The following YIPF7 variants were observed in gnomAD, a reference collection of about 807,000 sequenced individuals.
The protein encoded by YIPF7 is Yip1 domain family member 7.
A neutral mutation model predicts 27.2 loss-of-function variants in YIPF7; 35 were observed. The ratio of observed to expected loss-of-function variants is 1.29; its 90% CI spans 0.98 to 1.70. YIPF7 has a LOEUF of 1.70. Among genes scored for constraint, YIPF7 ranks in the 40% most tolerant of loss-of-function variants. The probability of loss-of-function intolerance (pLI) is 0.00; values close to 1 mark genes in which losing one functional copy is unlikely to be tolerated. For missense variants in YIPF7, 358 were observed against 303.7 expected, an observed-to-expected ratio of 1.18 and a Z score of -1.33; for synonymous variants, 137 against 110.4, an observed-to-expected ratio of 1.24 and a Z score of -1.51.
chr4:44,632,498 A>G (rs1712944487), intron 3 of YIPF7, among the ~76,000 whole-genome samples: 1 of 152,210 alleles, frequency 6.6e-6, no homozygotes, highest in African/African-American at 2.4e-5. Flanking sequence ...TAACATATTG[A>G]TTTTACATTA....
chr4:44,660,595 T>A (rs1435061207), exon 2 of YIPF7: 1 of 152,178 alleles, frequency 6.6e-6, no homozygotes, highest in Non-Finnish European at 1.5e-5. Flanking sequence ...CAGAAACAAG[T>A]CATTCCTGCC....
chr4:44,632,705 T>C (rs376593967), intron 3 of YIPF7, among the ~76,000 whole-genome samples: 8 of 152,334 alleles, frequency 5.3e-5, no homozygotes, highest in Admixed American at 2.0e-4. Context: ...ATCCTAGAAA[T>C]TGTATTTTTT....
At position 44,636,000 on chromosome 4, in the gene YIPF7, G is replaced by C; in HGVS notation, c.202C>G (p.Gln68Glu). Residue 68 changes from glutamine (Q) to glutamate (E), a missense_variant, in exon 3 of 6, where the codon CAG becomes GAG. Coordinates refer to ENST00000415895, the MANE Select transcript of YIPF7 (RefSeq NM_182592.3). Reference sequence around the variant, plus strand: ...TAATAATCTGAGTTGGATGCTGGCTGAAAAAATTGTCCTGCGTAACCCGAT... The same window carrying C: ...TAATAATCTGAGTTGGATGCTGGCTCAAAAAATTGTCCTGCGTAACCCGAT... ...MSSGYAGQFF[Q>E]PASNSDYYSQ... 6.2e-7 allele frequency: 1 copy of C among 1,613,846 alleles called. No individual in the cohort carries two copies. Among genetic ancestry groups the C allele is most frequent in the Non-Finnish European group, 8.5e-7 (1 of 1,179,820 alleles).
At chr4:44,635,860 G>C in intron 3 of YIPF7, 62 bp downstream of exon 3, 1 of 1,557,442 alleles carries the variant, frequency 6.4e-7, no homozygotes. Context: ...CACACATTAA[G>C]TGCTAATTAT....
At chr4:44,652,693 G>C (rs1299707536), upstream of YIPF7, among the ~76,000 whole-genome samples, 1 of 152,152 alleles carries the variant, frequency 6.6e-6, no homozygotes, top group Non-Finnish European at 1.5e-5. Context: ...CAGGGTTTCA[G>C]AAACAAGCAA....
chr4:44,625,217 G>A lies in YIPF7; in HGVS notation c.427-435C>T, dbSNP rs1344145900. Among the ~76,000 whole-genome samples the A allele has an allele frequency of 2.0e-5, 3 of 152,236 alleles. No individual in the cohort carries two copies. The East Asian group carries it at 5.8e-4, about 29-fold the overall frequency. ...AACACCTACAGGGTTTACCATGTCAGATCCCATTCTAAGTGTGCTACATAT... is the reference window on the plus strand; with the variant it reads ...AACACCTACAGGGTTTACCATGTCAAATCCCATTCTAAGTGTGCTACATAT... On this transcript the variant is annotated intron_variant, in intron 4 of 5. Transcript: ENST00000415895.
In YIPF7 at chr4:44,635,898, A is replaced by C; in HGVS notation, c.280+24T>G. The C allele has an allele frequency of 1.9e-6, 3 of 1,612,464 alleles. No homozygotes were observed. The East Asian group carries it at 6.7e-5, about 36-fold the overall frequency. On this transcript the variant is annotated intron_variant, in intron 3 of 5. Transcript: ENST00000415895. Reference sequence around the variant, plus strand: ...CTATTATTCTTCTAGCTGTACACACATTAATAACACTTCCTTAACTTATCT... The same window carrying C: ...CTATTATTCTTCTAGCTGTACACACCTTAATAACACTTCCTTAACTTATCT...
chr4:44,652,269 C>T (rs1267446873), upstream of YIPF7, among the ~76,000 whole-genome samples: 1 of 152,162 alleles, frequency 6.6e-6, no homozygotes, highest in South Asian at 2.1e-4. Flanking sequence ...CTCTGTATCA[C>T]TGGGTCACTG....
chr4:44,654,160 T>C (rs1577745971), upstream of YIPF7, among the ~76,000 whole-genome samples: 1 of 152,126 alleles, frequency 6.6e-6, no homozygotes, highest in Non-Finnish European at 1.5e-5. Flanking sequence ...GCTATTCTTA[T>C]GGCTATAACA....
At chr4:44,635,733 A>T (rs963986206) in intron 3 of YIPF7, among the ~76,000 whole-genome samples, 189 bp downstream of exon 3, 48 of 152,188 alleles carry the variant, frequency 3.2e-4, no homozygotes, top group African/African-American at 1.2e-3. Flanking sequence ...ATCTGCACCC[A>T]ATTTCCCCTA....
chr4:44,640,486 T>C (rs1478436799), intron 2 of YIPF7, among the ~76,000 whole-genome samples: 1 of 152,204 alleles, frequency 6.6e-6, no homozygotes, highest in Non-Finnish European at 1.5e-5. Context: ...TCCTCAGGCC[T>C]CTGGTGGAAT....
chr4:44,643,966 G>A (rs1713431966), intron 2 of YIPF7, among the ~76,000 whole-genome samples: 1 of 152,068 alleles, frequency 6.6e-6, no homozygotes, highest in Non-Finnish European at 1.5e-5. Flanking sequence ...ATGAAAAAGA[G>A]GGGTTGAAGC....
chr4:44,627,428 A>G (rs1364079822), intron 4 of YIPF7, among the ~76,000 whole-genome samples: 1 of 152,162 alleles, frequency 6.6e-6, no homozygotes, highest in Non-Finnish European at 1.5e-5. Context: ...AGATTTGGAT[A>G]TTGATTCTGG....
intron 2 of YIPF7, among the ~76,000 whole-genome samples, chr4:44,659,840 G>A (rs1485840205): frequency 6.6e-6 from 1 of 151,914 alleles, no homozygotes; most frequent in South Asian, 2.1e-4. Context: ...TTGGCCAGGC[G>A]CGGTGGCTCA....
chr4:44,636,121 A>C (rs1273058993), intron 2 of YIPF7, 36 bp from the exon 3 acceptor site: 1 of 1,560,332 alleles, frequency 6.4e-7, no homozygotes, highest in Admixed American at 1.9e-5. Context: ...TACATGTCTA[A>C]GAAAAAGGTA....
chr4:44,649,075 G>A (rs1179363774), intron 2 of YIPF7, among the ~76,000 whole-genome samples: 3 of 152,012 alleles, frequency 2.0e-5, no homozygotes. Context: ...AATTGCATGA[G>A]AGAAAAAACT....
rs996625230 is a variant in YIPF7 at position 44,629,378 on chromosome 4, T to G, written c.426+25A>C. 7 of 1,565,664 alleles carry G rather than the reference T, an allele frequency of 4.5e-6. No individual in the cohort carries two copies. The African/African-American group carries it at 8.2e-5, about 18-fold the overall frequency. On this transcript the variant is annotated intron_variant, in intron 4 of 5. Transcript: ENST00000415895. Reference sequence around the variant, plus strand: ...GCACTGGAAAGGACAAGCATTAAAATCTGGTGCTTCCTGTGACACATTACC... The same window carrying G: ...GCACTGGAAAGGACAAGCATTAAAAGCTGGTGCTTCCTGTGACACATTACC...
At chr4:44,627,009 C>G (rs1403869447) in intron 4 of YIPF7, among the ~76,000 whole-genome samples, 2 of 151,614 alleles carry the variant, frequency 1.3e-5, no homozygotes, top group Non-Finnish European at 2.9e-5. Flanking sequence ...GTCTCGATCT[C>G]CTGAGCTCGT....
rs1005372920 is a variant in YIPF7, at chr4:44,643,828, G to A, written c.116+6157C>T. ...AGTGTAAAGCCTGCAGGGGCACAGAGTGCAAGAGTTGAGGCTTTGAAGCTC... is the reference window on the plus strand; with the variant it reads ...AGTGTAAAGCCTGCAGGGGCACAGAATGCAAGAGTTGAGGCTTTGAAGCTC... On this transcript the variant is annotated intron_variant, in intron 2 of 5. Transcript: ENST00000415895. Among the ~76,000 whole-genome samples, 3 of 152,166 alleles carry A rather than the reference G, an allele frequency of 2.0e-5. No homozygotes were observed. The South Asian group carries it at 6.2e-4, about 32-fold the overall frequency.
Sources: allele counts gnomAD v4.1 joint callset (sites outside exome capture counted in the v4.1 genomes callset), GRCh38; gene constraint gnomAD v4.1.1; transcripts MANE v1.5; gene names NCBI Gene and HGNC (gene_info 2026-07-23, HGNC 2026-07-21).